Variants in ROBO2 observed in about 807,000 individuals in gnomAD.
ROBO2 encodes roundabout guidance receptor 2, also known as roundabout homolog 2.
ROBO2 carries 53 observed loss-of-function variants against 160.8 expected under a neutral mutation model. The observed-to-expected ratio is 0.33, with a 90% CI of 0.26 to 0.41. ROBO2 has a LOEUF of 0.41. ROBO2 is among the 10% of genes least tolerant of loss of function. The pLI is 1.00. For synonymous variants in ROBO2, 664 were observed against 611.7 expected, an observed-to-expected ratio of 1.09 and a Z score of -1.26; for missense variants, 1,577 against 1,722.4, an observed-to-expected ratio of 0.92 and a Z score of 1.49.
intron 2 of ROBO2, among the ~76,000 whole-genome samples, chr3:76,038,845 A>G (rs1344490717): frequency 6.6e-6 from 1 of 151,518 alleles, no homozygotes; most frequent in Non-Finnish European, 1.5e-5. Context: ...GTGTCTAGTA[A>G]TCTTACACTG....
chr3:77,209,260 C>G (rs1358595966), intron 2 of ROBO2, among the ~76,000 whole-genome samples: 1 of 152,018 alleles, frequency 6.6e-6, no homozygotes, highest in African/African-American at 2.4e-5. Flanking sequence ...TAAAAAATAA[C>G]TATTCATTTG....
At chr3:76,120,363 C>A (rs1489230327) in intron 2 of ROBO2, among the ~76,000 whole-genome samples, 1 of 150,914 alleles carries the variant, frequency 6.6e-6, no homozygotes, top group Non-Finnish European at 1.5e-5. Context: ...AGTGGTAGGG[C>A]AAGGTTCAAA....
intron 2 of ROBO2, among the ~76,000 whole-genome samples, chr3:77,316,531 G>A (rs2064007701): frequency 1.3e-5 from 2 of 151,990 alleles, no homozygotes; most frequent in African/African-American, 2.4e-5. Flanking sequence ...AGGGGCTACC[G>A]AGTTCCCCCC....
chr3:77,573,238 A>C (rs1005523999), intron 13 of ROBO2, among the ~76,000 whole-genome samples: 7 of 152,028 alleles, frequency 4.6e-5, no homozygotes, highest in Non-Finnish European at 2.9e-5. Context: ...TTAATTTTTA[A>C]AAATAATTTT....
At chr3:77,641,426 GCTGA>G (rs1001839343) in intron 24 of ROBO2, among the ~76,000 whole-genome samples, 2 of 152,156 alleles carry the variant, frequency 1.3e-5, no homozygotes, top group Non-Finnish European at 1.5e-5. Context: ...GAGCGGCTTA[GCTGA>G]CTGTTAAGGA....
At chr3:76,856,087 AC>A (rs1274220597) in intron 2 of ROBO2, among the ~76,000 whole-genome samples, 3 of 152,208 alleles carry the variant, frequency 2.0e-5, no homozygotes, top group African/African-American at 7.2e-5. Flanking sequence ...TGAGCAGATA[AC>A]ATAAGCTTGA....
At chr3:76,941,631 T>C (rs911522635) in intron 2 of ROBO2, among the ~76,000 whole-genome samples, 5 of 152,196 alleles carry the variant, frequency 3.3e-5, no homozygotes, top group Admixed American at 2.6e-4. Flanking sequence ...CAGCTAACTT[T>C]TGAATTGTGT....
chr3:76,042,219 T>G (rs1303129333), intron 2 of ROBO2, among the ~76,000 whole-genome samples: 2 of 152,052 alleles, frequency 1.3e-5, no homozygotes, highest in Non-Finnish European at 2.9e-5. Flanking sequence ...TACATTAACA[T>G]AATTTTGAAG....
chr3:76,289,809 G>A (rs1297959462), intron 2 of ROBO2, among the ~76,000 whole-genome samples: 1 of 152,052 alleles, frequency 6.6e-6, no homozygotes, highest in African/African-American at 2.4e-5. Context: ...GTAGGTGTGT[G>A]GCTTTATGTC....
chr3:77,505,430 C>T (rs2088343987), intron 5 of ROBO2, among the ~76,000 whole-genome samples: 1 of 151,578 alleles, frequency 6.6e-6, no homozygotes, highest in African/African-American at 2.4e-5. Flanking sequence ...GGTGCCTGGT[C>T]AAAAGGTGGT....
rs180868983 is a variant in ROBO2, at chr3:77,154,840, C to T, written c.388+56500C>T. ...TGGGTACTCAGGTACATAAAGATGGCGACAACTGAAACTGGGGACTTATAG... is the reference window on the plus strand; with the variant it reads ...TGGGTACTCAGGTACATAAAGATGGTGACAACTGAAACTGGGGACTTATAG... On this transcript the variant is annotated intron_variant, in intron 2 of 25. Transcript: ENST00000461745. Among the ~76,000 whole-genome samples, 117 of 151,742 alleles carry T rather than the reference C, an allele frequency of 7.7e-4. 1 individual carries two copies. Among genetic ancestry groups the T allele is most frequent in the African/African-American group, 2.4e-3 (101 of 41,390 alleles).
intron 2 of ROBO2, among the ~76,000 whole-genome samples, chr3:76,243,208 A>G (rs1000124683): frequency 1.3e-5 from 2 of 151,970 alleles, no homozygotes; most frequent in African/African-American, 4.8e-5. Context: ...CCTTTAGCCC[A>G]TTACATGTCA....
intron 2 of ROBO2, among the ~76,000 whole-genome samples, chr3:77,164,532 G>A (rs1190932555): frequency 2.8e-5 from 4 of 144,192 alleles, no homozygotes; most frequent in East Asian, 2.1e-4. Flanking sequence ...CCGGGAGGGA[G>A]GTGGGGGGGT....
intron 2 of ROBO2, among the ~76,000 whole-genome samples, chr3:77,228,579 C>T (rs1352194773): frequency 6.6e-6 from 1 of 151,878 alleles, no homozygotes; most frequent in Non-Finnish European, 1.5e-5. Flanking sequence ...TGGGACCTGT[C>T]CACCTGTCCC....
intron 2 of ROBO2, among the ~76,000 whole-genome samples, chr3:76,884,219 C>G (rs1185699769): frequency 1.3e-5 from 2 of 151,928 alleles, no homozygotes; most frequent in East Asian, 3.9e-4. Flanking sequence ...TAGAAATATC[C>G]CCTTTTTCAG....
exon 12 of ROBO2, chr3:77,564,984 G>A: frequency 6.2e-7 from 1 of 1,613,488 alleles, no homozygotes; most frequent in Non-Finnish European, 8.5e-7. Context: ...GGCAGACCGT[G>A]GCAAACCATG....
intron 2 of ROBO2, among the ~76,000 whole-genome samples, chr3:77,022,827 G>C (rs1233050948): frequency 6.6e-6 from 1 of 152,100 alleles, no homozygotes; most frequent in East Asian, 1.9e-4. Flanking sequence ...CCATTTTTAA[G>C]TTTCCAGTTC....
intron 2 of ROBO2, among the ~76,000 whole-genome samples, chr3:76,645,059 C>T (rs1184406320): frequency 6.6e-6 from 1 of 152,146 alleles, no homozygotes; most frequent in African/African-American, 2.4e-5. Flanking sequence ...TCAATGTGTA[C>T]AGGCTCTGTG....
intron 2 of ROBO2, among the ~76,000 whole-genome samples, chr3:76,622,230 G>GAAAGAAAGAAAGAAAGAAAGAAA (rs1560251796): frequency 3.6e-5 from 2 of 55,406 alleles, no homozygotes; most frequent in Non-Finnish European, 6.7e-5. Flanking sequence ...AAGGAAGGAA[G>GAAAGAAAGAAAGAAAGAAAGAAA]GAAGGAAGAA....
Sources: gnomAD v4.1 joint callset for allele counts (sites outside exome capture counted in the v4.1 genomes callset) on GRCh38, gnomAD v4.1.1 for gene constraint, MANE v1.5 for transcripts, NCBI Gene and HGNC (gene_info 2026-07-23, HGNC 2026-07-21) for gene names.